RIOX2: variants seen among roughly 807,000 people sequenced by gnomAD.
RIOX2 encodes the protein ribosomal oxygenase 2, also known as 60S ribosomal protein L27a histidine hydroxylase.
RIOX2 carries 43 observed loss-of-function variants against 51.2 expected under a neutral mutation model. The observed-to-expected ratio is 0.84, with a 90% confidence interval of 0.66 to 1.08. The LOEUF (loss-of-function observed/expected upper bound fraction) is 1.08, where lower values mean the gene tolerates loss of function less well. RIOX2 is among the 50% of genes least tolerant of loss of function. The pLI, the probability that RIOX2 is intolerant of heterozygous loss-of-function variation, is 0.00. For synonymous variants in RIOX2, 226 were observed against 218.5 expected (o/e 1.03, Z -0.30); for missense variants, 566 against 561.7 (o/e 1.01, Z -0.08).
chr3:97,958,734 T>C (rs1255218900), intron 4 of RIOX2, among the ~76,000 whole-genome samples: 1 of 152,196 alleles, frequency 6.6e-6, no homozygotes, highest in Non-Finnish European at 1.5e-5. Flanking sequence ...GAGCTTCCAT[T>C]TTTCCTCTAG....
Position 97,942,569 on chromosome 3 carries a change from A to G in RIOX2, c.*2615T>C, listed in dbSNP as rs1485547807. 1.1e-6 allele frequency: 1 copy of G among 883,966 alleles called. No homozygotes were observed. The highest frequency in any genetic ancestry group is 1.7e-5 in the African/African-American group (1 of 58,702). The allele number at this position is 883,966 out of a possible 1,614,324, so 54.8% of individuals were successfully genotyped here. A position where few individuals can be genotyped will look rare whatever the true frequency, so the allele number is the denominator to read the frequency against. On this transcript the variant is annotated 3_prime_UTR_variant, in exon 10 of 10. Transcript: ENST00000394198. ...GTTAAGTCATTTAAAATTATGCTTGAAGAAAATTAAGATAGGCAGTTTTAC... is the reference window on the plus strand; with the variant it reads ...GTTAAGTCATTTAAAATTATGCTTGGAGAAAATTAAGATAGGCAGTTTTAC...
chr3:97,969,217 A>G (rs1576021879), intron 1 of RIOX2, among the ~76,000 whole-genome samples: 1 of 152,200 alleles, frequency 6.6e-6, no homozygotes, highest in African/African-American at 2.4e-5. Flanking sequence ...TAAAGCTTGA[A>G]GCTTAGAAAA....
In RIOX2 at chr3:97,945,310, C is replaced by T; in HGVS notation, c.1272G>A (p.Leu424=). ...FHGLRFPLSH[L]DALKQIWNSP... Reference sequence around the variant, plus strand: ...TATTCCAAATTTGCTTCAGTGCATCCAAATGTGACAAAGGGAAGCGAAGTC... The same window carrying T: ...TATTCCAAATTTGCTTCAGTGCATCTAAATGTGACAAAGGGAAGCGAAGTC... The change falls in exon 10 of 10, where the codon TTG becomes TTA. Residue 424 remains leucine, a synonymous_variant. Transcript: ENST00000394198. 6.2e-7 allele frequency: 1 copy of T among 1,611,830 alleles called. No homozygotes were observed. Among genetic ancestry groups the T allele is most frequent in the Non-Finnish European group, 8.5e-7 (1 of 1,178,746 alleles).
At chr3:97,950,517 G>A (rs904320107) in intron 6 of RIOX2, among the ~76,000 whole-genome samples, 5 of 152,148 alleles carry the variant, frequency 3.3e-5, no homozygotes, top group South Asian at 2.1e-4. Flanking sequence ...TCTCCTGGCC[G>A]TACTATTCAT....
intron 2 of RIOX2, among the ~76,000 whole-genome samples, chr3:97,965,210 T>TAAAAAAA (rs10644219): frequency 2.6e-5 from 3 of 114,900 alleles, no homozygotes; most frequent in African/African-American, 1.0e-4. Flanking sequence ...ACAAAGAGAT[T>TAAAAAAA]AAAAAAAAAA....
At position 97,946,586 on chromosome 3, in the gene RIOX2, G is replaced by GTATATATATATATATATATATA. The variant is rs4061087; in HGVS notation, c.1150-700_1150-699insTATATATATATATATATATATA. ...TGTAGGAATGTGTACTTTTGAGGAT[G>GTATATATATATATATATATATA]TATATATATATATATATATATCTAT... is the stretch of plus-strand genomic sequence containing the variant. On this transcript the variant is annotated intron_variant, in intron 8 of 9. Coordinates refer to ENST00000394198, the MANE Select transcript of RIOX2 (RefSeq NM_153182.4). 3.6e-3 allele frequency among the ~76,000 whole-genome samples: 456 copies of GTATATATATATATATATATATA among 127,424 alleles called. 9 individuals are homozygous for GTATATATATATATATATATATA. The highest frequency in any genetic ancestry group is 0.014 in the African/African-American group (421 of 29,894). 83.6% of individuals were successfully genotyped at this position (127,424 alleles called of 152,430 possible). A position where few individuals can be genotyped will look rare whatever the true frequency, so the allele number is the denominator to read the frequency against.
At position 97,967,149 on chromosome 3, in the gene RIOX2, G is replaced by C; in HGVS notation, c.432+13C>G. 6.2e-7 allele frequency: 1 copy of C among 1,607,924 alleles called. No individual in the cohort carries two copies. The highest frequency in any genetic ancestry group is 2.2e-5 in the East Asian group (1 of 44,872). On this transcript the variant is annotated intron_variant, in intron 2 of 9. Coordinates refer to ENST00000394198, the MANE Select transcript of RIOX2 (RefSeq NM_153182.4). ...AAAATGTATGAGGATTCTGCAATGG[G>C]GAAACTGGTTACCTTAAATCTCTGA... is the stretch of plus-strand genomic sequence containing the variant.
chr3:97,951,377 CACTT>C (rs2107147501), intron 5 of RIOX2, among the ~76,000 whole-genome samples: 1 of 152,274 alleles, frequency 6.6e-6, no homozygotes, highest in East Asian at 1.9e-4. Flanking sequence ...TTTTCCTTGT[CACTT>C]ACAAGGGATG....
chr3:97,950,866 C>T lies in RIOX2; in HGVS notation c.808G>A (p.Asp270Asn), dbSNP rs199621662. The change falls in exon 6 of 10, where the codon GAT (aspartate) becomes AAT (asparagine). Residue 270 changes from aspartate (D) to asparagine (N), a missense_variant. By Grantham distance (23) the Asp-to-Asn change is conservative. Coordinates refer to ENST00000394198, the MANE Select transcript of RIOX2 (RefSeq NM_153182.4). The stretch of plus-strand genomic sequence containing the variant: ...TCAAATACAAGCCCCGAGATGGTAT[C>T]CAAAAGGAAATCTCCCCATGAACTA... ...QNNSWGDFLLDTISGLVFDTA... is the reference protein window; with the variant it reads ...QNNSWGDFLLNTISGLVFDTA... 8.4e-4 allele frequency: 1,354 copies of T among 1,613,466 alleles called. 3 individuals carry two copies. The highest frequency in any genetic ancestry group is 8.0e-4 in the Non-Finnish European group (946 of 1,179,732).
intron 8 of RIOX2, among the ~76,000 whole-genome samples, chr3:97,946,605 T>TATATATATATATAC (rs1324247464): frequency 1.4e-5 from 1 of 69,468 alleles, no homozygotes; most frequent in Non-Finnish European, 3.8e-5. Flanking sequence ...TATATATATA[T>TATATATATATATAC]ATCTATTCAT....
intron 8 of RIOX2, 53 bp downstream of exon 8, chr3:97,947,308 C>T: frequency 7.0e-7 from 1 of 1,429,452 alleles, no homozygotes; most frequent in Non-Finnish European, 9.8e-7. Context: ...CCTGAGGCCT[C>T]TGATGAAAAA....
At chr3:97,970,877 TATA>T (rs904907811) in intron 1 of RIOX2, among the ~76,000 whole-genome samples, 1 of 152,204 alleles carries the variant, frequency 6.6e-6, no homozygotes, top group Non-Finnish European at 1.5e-5. Flanking sequence ...CCTCCTTTTC[TATA>T]ATATTTGAGG....
chr3:97,961,495 A>G (rs1705671297), intron 3 of RIOX2, 94 bp downstream of exon 3: 2 of 1,364,836 alleles, frequency 1.5e-6, no homozygotes, highest in Non-Finnish European at 2.0e-6. Flanking sequence ...TAAGAGCCTT[A>G]GAGAATAATG....
Position 97,959,086 on chromosome 3 carries a change from T to C in RIOX2, c.646A>G (p.Arg216Gly). Reference protein sequence around the residue: ...AREYSVEAEERIGRPVHEFML... With the variant: ...AREYSVEAEEGIGRPVHEFML... Reference sequence around the variant, plus strand: ...AACTCATGCACCGGCCTGCCGATCCTTTCCTCGGCCTCCACGCTGTACTCT... The same window carrying C: ...AACTCATGCACCGGCCTGCCGATCCCTTCCTCGGCCTCCACGCTGTACTCT... The change falls in exon 4 of 10, where the codon AGG becomes GGG. Residue 216 changes from arginine to glycine, a missense_variant. Coordinates refer to ENST00000394198, the MANE Select transcript of RIOX2 (RefSeq NM_153182.4). The C allele has an allele frequency of 2.5e-6, 4 of 1,613,638 alleles. No individual in the cohort carries two copies. The highest frequency in any genetic ancestry group is 2.7e-5 in the African/African-American group (2 of 75,046).
chr3:97,954,464 G>T lies in RIOX2; in HGVS notation c.713C>A (p.Thr238Asn), dbSNP rs1159272278. Residue 238 changes from threonine (T) to asparagine (N), a missense_variant, in exon 5 of 10, where the codon ACC becomes AAC. By Grantham distance (65) the Thr-to-Asn change is moderately conservative. Coordinates refer to ENST00000394198, the MANE Select transcript of RIOX2 (RefSeq NM_153182.4). ...PGDLLYFPRG[T>N]IHQADTPAGL... ...CGCAGGAGTGTCCGCTTGATGAATGGTTCCTCTGGGAAAGTACAACAAATC... is the reference window on the plus strand; with the variant it reads ...CGCAGGAGTGTCCGCTTGATGAATGTTTCCTCTGGGAAAGTACAACAAATC... 6.2e-7 allele frequency: 1 copy of T among 1,614,114 alleles called. No homozygotes were observed. The highest frequency in any genetic ancestry group is 8.5e-7 in the Non-Finnish European group (1 of 1,179,958).
chr3:97,947,450 C>G lies in RIOX2; in HGVS notation c.1061-1G>C, dbSNP rs1240769241. On this transcript the variant is annotated splice_acceptor_variant, in intron 7 of 9. Coordinates refer to ENST00000394198, the MANE Select transcript of RIOX2 (RefSeq NM_153182.4). LOFTEE classifies it high-confidence loss of function. The stretch of plus-strand genomic sequence containing the variant: ...CTGTCCAGCCTCGGTAACTTTCCAC[C>G]TAGAAAACCCCAAAGAGAGAAAGCC... The G allele has an allele frequency of 1.9e-6, 3 of 1,612,500 alleles. No individual in the cohort carries two copies. The South Asian group carries it at 3.3e-5, about 18-fold the overall frequency.
chr3:97,955,937 C>A (rs1043789382), intron 4 of RIOX2, among the ~76,000 whole-genome samples: 2 of 151,916 alleles, frequency 1.3e-5, no homozygotes, highest in African/African-American at 4.8e-5. Context: ...TAAACGTGGA[C>A]AAGAAAAAAC....
chr3:97,970,790 C>A (rs1163570487), intron 1 of RIOX2, among the ~76,000 whole-genome samples: 1 of 152,140 alleles, frequency 6.6e-6, no homozygotes, highest in Non-Finnish European at 1.5e-5. Context: ...CACAGATAAA[C>A]CCTATAAGAA....
rs191327608 is a variant in RIOX2, at chr3:97,968,514, G to T, written c.-39-882C>A. 3.1e-3 allele frequency among the ~76,000 whole-genome samples: 472 copies of T among 152,262 alleles called. 2 individuals are homozygous for T. The highest frequency in any genetic ancestry group is 1.0e-2 in the African/African-American group (415 of 41,552). ...CACTAGCTCCAAGGTGAAGCCTGAGGTTCTGCATTTCTAACAGGCTCCCAG... is the reference window on the plus strand; with the variant it reads ...CACTAGCTCCAAGGTGAAGCCTGAGTTTCTGCATTTCTAACAGGCTCCCAG... On this transcript the variant is annotated intron_variant, in intron 1 of 9. Coordinates refer to ENST00000394198, the MANE Select transcript of RIOX2 (RefSeq NM_153182.4).
Sources: gnomAD v4.1 joint callset for allele counts (sites outside exome capture counted in the v4.1 genomes callset) on GRCh38, gnomAD v4.1.1 for gene constraint, MANE v1.5 for transcripts, NCBI Gene and HGNC (gene_info 2026-07-23, HGNC 2026-07-21) for gene names.